ANKRD18B: variants seen among roughly 807,000 people sequenced by gnomAD.
ANKRD18B encodes the protein ankyrin repeat domain-containing protein 18B.
ANKRD18B carries 75 observed loss-of-function variants against 111.8 expected under a neutral mutation model. That is an observed-to-expected ratio of 0.67 (90% CI 0.56 to 0.81). The LOEUF is 0.81. Ranked by LOEUF, ANKRD18B falls within the 40% of genes least tolerant of loss-of-function variation. The pLI, the probability that ANKRD18B is intolerant of heterozygous loss-of-function variation, is 0.00. For synonymous variants in ANKRD18B, 356 were observed against 417.3 expected, an observed-to-expected ratio of 0.85 and a Z score of 1.79; for missense variants, 1,038 against 1,225.5, an observed-to-expected ratio of 0.85 and a Z score of 2.28.
intron 16 of ANKRD18B, 118 bp downstream of exon 16, chr9:33,567,432 T>A (rs1828703482): frequency 3.5e-6 from 3 of 868,616 alleles, no homozygotes; most frequent in Non-Finnish European, 5.2e-6. Context: ...AATTTGGTAA[T>A]GTAATTTTGG....
At position 33,558,946 on chromosome 9, in the gene ANKRD18B, G is replaced by A. The variant is rs1212513719; in HGVS notation, c.2460+759G>A. Among the ~76,000 whole-genome samples, 3 of 152,084 alleles carry A rather than the reference G, an allele frequency of 2.0e-5. No individual in the cohort carries two copies. The East Asian group carries it at 5.8e-4, about 29-fold the overall frequency. On this transcript the variant is annotated intron_variant, in intron 14 of 18. Coordinates refer to ENST00000684830, the MANE Select transcript of ANKRD18B (RefSeq NM_001393611.1). ...TAGGGAAAATCATAAATCAATATGA[G>A]GAAGGCATACATTGGCTCAGCCTAA... is the stretch of plus-strand genomic sequence containing the variant.
At chr9:33,535,452 A>T (rs1159879251) in intron 5 of ANKRD18B, among the ~76,000 whole-genome samples, 1 of 151,124 alleles carries the variant, frequency 6.6e-6, no homozygotes, top group Non-Finnish European at 1.5e-5. Flanking sequence ...TCCCTGGCTA[A>T]TTTTTTTTGT....
intron 1 of ANKRD18B, among the ~76,000 whole-genome samples, chr9:33,525,197 A>AT (rs773105219): frequency 6.6e-6 from 1 of 152,000 alleles, no homozygotes; most frequent in Non-Finnish European, 1.5e-5. Context: ...AGGTTTTATC[A>AT]TTTTTGCATG....
chr9:33,547,814 C>T, intron 10 of ANKRD18B, 124 bp from the exon 11 acceptor site: 1 of 665,704 alleles, frequency 1.5e-6, no homozygotes, highest in Non-Finnish European at 2.3e-6. Context: ...ATTTTTTTCT[C>T]CAGTTGGTTA....
At position 33,534,341 on chromosome 9, in the gene ANKRD18B, T is replaced by G. The variant is rs1261720909; in HGVS notation, c.603-29T>G. 4.0e-6 allele frequency: 6 copies of G among 1,512,974 alleles called. No homozygotes were observed. In the Admixed American group the frequency reaches 1.5e-4, roughly 37 times the overall value. 93.7% of individuals were successfully genotyped at this position (1,512,974 alleles called of 1,614,324 possible). Reference sequence around the variant, plus strand: ...AATTAAATATCTTTATCAAAGTTCTTGAGTGCTGTTATTTCTTTATTGTTT... The same window carrying G: ...AATTAAATATCTTTATCAAAGTTCTGGAGTGCTGTTATTTCTTTATTGTTT... On this transcript the variant is annotated intron_variant, in intron 4 of 18. Coordinates refer to ENST00000684830, the MANE Select transcript of ANKRD18B (RefSeq NM_001393611.1).
intron 4 of ANKRD18B, 44 bp downstream of exon 4, chr9:33,533,589 T>G: frequency 6.6e-7 from 1 of 1,524,338 alleles, no homozygotes. Context: ...CCTAAAAACC[T>G]GAGTGTTCTA....
At position 33,565,109 on chromosome 9, in the gene ANKRD18B, G is replaced by A. The variant is rs1489468617; in HGVS notation, c.2461-1110G>A. On this transcript the variant is annotated intron_variant, in intron 14 of 18. Transcript: ENST00000684830. Reference sequence around the variant, plus strand: ...TCTTTGTGCAGACTAATGTCCTGAAGCATTTTCCCTATGTTTACTTACAAT... The same window carrying A: ...TCTTTGTGCAGACTAATGTCCTGAAACATTTTCCCTATGTTTACTTACAAT... Among the ~76,000 whole-genome samples, 3 of 152,280 alleles carry A rather than the reference G, an allele frequency of 2.0e-5. No individual in the cohort carries two copies. The East Asian group carries it at 5.8e-4, about 29-fold the overall frequency.
intron 10 of ANKRD18B, among the ~76,000 whole-genome samples, chr9:33,545,476 G>A (rs1359907062): frequency 6.6e-6 from 1 of 152,180 alleles, no homozygotes; most frequent in Non-Finnish European, 1.5e-5. Context: ...TTCTGCTATT[G>A]CAGACATTTA....
intron 12 of ANKRD18B, among the ~76,000 whole-genome samples, chr9:33,553,885 C>T (rs1302286755): frequency 1.3e-5 from 2 of 151,948 alleles, no homozygotes; most frequent in East Asian, 3.9e-4. Context: ...CAAGAAGAGC[C>T]TGGCCAACGT....
intron 16 of ANKRD18B, among the ~76,000 whole-genome samples, chr9:33,567,811 A>G (rs10971565): frequency 0.41 from 62,847 of 152,084 alleles, 13,830 homozygotes; most frequent in Non-Finnish European, 0.5. Context: ...CCTCAAGAAA[A>G]ACTATTTGTG....
intron 5 of ANKRD18B, among the ~76,000 whole-genome samples, chr9:33,535,509 G>A (rs1307493094): frequency 1.4e-4 from 21 of 151,366 alleles, no homozygotes; most frequent in African/African-American, 5.1e-4. Flanking sequence ...GGATGGTCTC[G>A]ATCTCCTGAC....
At position 33,547,989 on chromosome 9, in the gene ANKRD18B, T is replaced by C. The variant is rs1259761134; in HGVS notation, c.1201T>C (p.Leu401=). 3 of 1,478,412 alleles carry C rather than the reference T, an allele frequency of 2.0e-6. No homozygotes were observed. Among genetic ancestry groups the C allele is most frequent in the East Asian group, 5.0e-5 (2 of 39,920 alleles). The allele number at this position is 1,478,412 out of a possible 1,614,324, so 91.6% of individuals were successfully genotyped here. ...KKDEMFGNFM[L]KRDIAMLKEE... is the part of the protein sequence containing the mutation. Reference sequence around the variant, plus strand: ...GGATGAGATGTTTGGAAATTTTATGTTGAAGAGAGACATTGCCATGCTCAA... The same window carrying C: ...GGATGAGATGTTTGGAAATTTTATGCTGAAGAGAGACATTGCCATGCTCAA... Residue 401 remains leucine (L), a synonymous_variant, in exon 11 of 19, where the codon TTG becomes CTG. Coordinates refer to ENST00000684830, the MANE Select transcript of ANKRD18B (RefSeq NM_001393611.1).
At chr9:33,566,591 C>T (rs1369337956) in intron 15 of ANKRD18B, 91 bp downstream of exon 15, 4 of 1,441,896 alleles carry the variant, frequency 2.8e-6, no homozygotes, top group African/African-American at 1.5e-5. Context: ...TATTGTGTTT[C>T]CTCTGCCTCT....
chr9:33,554,251 A>G (rs1828490458), intron 12 of ANKRD18B, among the ~76,000 whole-genome samples: 1 of 152,160 alleles, frequency 6.6e-6, no homozygotes, highest in Admixed American at 6.5e-5. Context: ...TAAGGGTGAG[A>G]CAGCCCCCCT....
chr9:33,536,854 T>C, intron 5 of ANKRD18B, 24 bp from the exon 6 acceptor site: 2 of 1,344,424 alleles, frequency 1.5e-6, no homozygotes. Flanking sequence ...AAAATACTAA[T>C]TTTATTACAT....
rs946594614 is a variant in ANKRD18B at position 33,566,463 on chromosome 9, T to C, written c.2705T>C (p.Met902Thr). The C allele has an allele frequency of 3.1e-6, 5 of 1,608,098 alleles. No homozygotes were observed. Among genetic ancestry groups the C allele is most frequent in the Non-Finnish European group, 4.2e-6 (5 of 1,178,892 alleles). The change falls in exon 15 of 19, where the codon ATG becomes ACG. Residue 902 changes from methionine (M) to threonine (T), a missense_variant. Transcript: ENST00000684830. ...AAATCGGAGCTGGATGAAAGGGCAA[T>C]GCAGGCAATAGAAAAATTAGAAGAA... ...EYKSELDERA[M>T]QAIEKLEEIH...
Position 33,548,154 on chromosome 9 carries a change from G to T in ANKRD18B, c.1366G>T (p.Ala456Ser). ...LNEEMITKKV[A>S]QYSQQLNDLK... ...TGAAGAAATGATAACAAAAAAAGTGGCCCAGTATTCGCAACAGCTTAATGA... is the reference window on the plus strand; with the variant it reads ...TGAAGAAATGATAACAAAAAAAGTGTCCCAGTATTCGCAACAGCTTAATGA... Residue 456 changes from alanine to serine, a missense_variant, in exon 11 of 19, where the codon GCC (alanine) becomes TCC (serine). Ala to Ser is a moderately conservative substitution (Grantham distance 99, BLOSUM62 1). This residue lies in a region of ANKRD18B where 205 missense variants were observed against 201.3 expected (regional missense o/e 1.02). Transcript: ENST00000684830. 1 of 1,537,720 alleles carries T rather than the reference G, an allele frequency of 6.5e-7. No homozygotes were observed.
At chr9:33,529,194 T>C in intron 3 of ANKRD18B, 21 bp downstream of exon 3, 1 of 1,576,536 alleles carries the variant, frequency 6.3e-7, no homozygotes, top group Non-Finnish European at 8.6e-7. Context: ...ATCAACTTTC[T>C]TTTCAAAATG....
chr9:33,563,821 T>C (rs1422768123), intron 14 of ANKRD18B, among the ~76,000 whole-genome samples: 1 of 152,072 alleles, frequency 6.6e-6, no homozygotes, highest in African/African-American at 2.4e-5. Context: ...TTTAAAAATA[T>C]TCAATAAATC....
Sources: gnomAD v4.1 joint callset for allele counts (sites outside exome capture counted in the v4.1 genomes callset) on GRCh38, gnomAD v4.1.1 for gene constraint, gnomAD v4.1.1 regional missense constraint, MANE v1.5 for transcripts, NCBI Gene and HGNC (gene_info 2026-07-23, HGNC 2026-07-21) for gene names.